CIAO2A: variants seen among roughly 807,000 people sequenced by gnomAD.
CIAO2A encodes the protein cytosolic iron-sulfur assembly component 2A.
In CIAO2A, 17 loss-of-function variants were observed where a neutral mutation model predicts 22.4. The ratio of observed to expected loss-of-function variants is 0.76; its 90% CI spans 0.52 to 1.14. CIAO2A has a LOEUF of 1.14. CIAO2A is among the 50% of genes most tolerant of loss of function. CIAO2A has a pLI of 0.00. For missense variants in CIAO2A, 192 were observed against 191.4 expected (o/e 1.00, Z -0.02); for synonymous variants, 74 against 72.3 (o/e 1.02, Z -0.12).
intron 3 of CIAO2A, among the ~76,000 whole-genome samples, chr15:64,079,730 A>G (rs1219402039): frequency 6.6e-6 from 1 of 152,218 alleles, no homozygotes; most frequent in Non-Finnish European, 1.5e-5. Flanking sequence ...TGTGATATCC[A>G]TATTCTTGCT....
At chr15:64,091,738 A>G (rs2080841027) in intron 1 of CIAO2A, among the ~76,000 whole-genome samples, 1 of 151,946 alleles carries the variant, frequency 6.6e-6, no homozygotes, top group Admixed American at 6.6e-5. Flanking sequence ...TAGTTTCTAG[A>G]TTTGAGAGGT....
chr15:64,092,302 T>TA (rs1224352925), intron 1 of CIAO2A, among the ~76,000 whole-genome samples: 1 of 152,178 alleles, frequency 6.6e-6, no homozygotes, highest in Admixed American at 6.6e-5. Flanking sequence ...TCCATGCTTT[T>TA]AAGTTTCCTC....
In CIAO2A at chr15:64,073,036, A is replaced by G; in HGVS notation, c.386-8T>C. The G allele has an allele frequency of 1.3e-6, 2 of 1,599,364 alleles. No individual in the cohort carries two copies. Among genetic ancestry groups the G allele is most frequent in the Non-Finnish European group, 1.7e-6 (2 of 1,167,068 alleles). ...CATTTATCTGCTTATTGACTGAAAA[A>G]TACACAGACAAAAGTTAGCAGAAGA... On this transcript the variant is annotated splice_polypyrimidine_tract_variant and splice_region_variant and intron_variant, in intron 4 of 4. Coordinates refer to ENST00000300030, the MANE Select transcript of CIAO2A (RefSeq NM_032231.7).
intron 2 of CIAO2A, among the ~76,000 whole-genome samples, chr15:64,082,475 G>A (rs182860435): frequency 2.5e-4 from 38 of 152,216 alleles, no homozygotes; most frequent in African/African-American, 8.4e-4. Context: ...TGATCTGCCC[G>A]CCTCGGCCTC....
intron 3 of CIAO2A, among the ~76,000 whole-genome samples, chr15:64,077,551 T>C (rs1595952539): frequency 6.6e-6 from 1 of 152,252 alleles, no homozygotes; most frequent in East Asian, 1.9e-4. Context: ...ACTGAATTTA[T>C]AGGCCTCTGA....
intron 2 of CIAO2A, among the ~76,000 whole-genome samples, chr15:64,082,177 G>A (rs1290846584): frequency 6.6e-6 from 1 of 152,156 alleles, no homozygotes; most frequent in Non-Finnish European, 1.5e-5. Flanking sequence ...CCAAAACAGG[G>A]AAAAGGATTA....
At chr15:64,093,364 G>A (rs2080858821) in intron 1 of CIAO2A, among the ~76,000 whole-genome samples, 1 of 152,062 alleles carries the variant, frequency 6.6e-6, no homozygotes, top group South Asian at 2.1e-4. Context: ...CTAAGACGTA[G>A]GCCACACGTG....
chr15:64,072,788 T>C lies in CIAO2A; in HGVS notation c.*143A>G. The stretch of plus-strand genomic sequence containing the variant: ...GAACAAATTAGGTACTACCTTATAA[T>C]TAAATCTCGCTTGGAAAGAATCCTT... On this transcript the variant is annotated 3_prime_UTR_variant, in exon 5 of 5. Transcript: ENST00000300030. 1 of 534,096 alleles carries C rather than the reference T, an allele frequency of 1.9e-6. No homozygotes were observed. The highest frequency in any genetic ancestry group is 3.0e-5 in the South Asian group (1 of 33,640). 33.1% of individuals were successfully genotyped at this position (534,096 alleles called of 1,614,324 possible).
At chr15:64,082,981 T>A (rs1332161130) in intron 2 of CIAO2A, among the ~76,000 whole-genome samples, 1 of 151,792 alleles carries the variant, frequency 6.6e-6, no homozygotes, top group African/African-American at 2.4e-5. Flanking sequence ...GCGGGAGGAC[T>A]GCTTGAGCCC....
chr15:64,085,779 G>A (rs1005535163), intron 2 of CIAO2A, among the ~76,000 whole-genome samples: 11 of 151,710 alleles, frequency 7.3e-5, no homozygotes, highest in Non-Finnish European at 1.3e-4. Context: ...CGTGACCTTC[G>A]CTCACTGCAA....
Position 64,072,827 on chromosome 15 carries a change from G to A in CIAO2A, c.*104C>T. On this transcript the variant is annotated 3_prime_UTR_variant, in exon 5 of 5. Coordinates refer to ENST00000300030, the MANE Select transcript of CIAO2A (RefSeq NM_032231.7). ...GAAAGAATCCTTTAAAAAATACTCT[G>A]AGGTACAAATCACCTATGTATTAAA... is the stretch of plus-strand genomic sequence containing the variant. 1 of 689,926 alleles carries A rather than the reference G, an allele frequency of 1.4e-6. No individual in the cohort carries two copies. The highest frequency in any genetic ancestry group is 4.1e-4 in the Middle Eastern group (1 of 2,446). 42.7% of individuals were successfully genotyped at this position (689,926 alleles called of 1,614,324 possible). A position where few individuals can be genotyped will look rare whatever the true frequency, so the allele number is the denominator to read the frequency against.
At chr15:64,083,741 G>A (rs1010113570) in intron 2 of CIAO2A, among the ~76,000 whole-genome samples, 3 of 152,120 alleles carry the variant, frequency 2.0e-5, no homozygotes, top group Admixed American at 6.6e-5. Context: ...CTAGGAGTTT[G>A]AGACTAGCCT....
chr15:64,093,581 C>T, intron 1 of CIAO2A, 64 bp downstream of exon 1: 1 of 1,542,752 alleles, frequency 6.5e-7, no homozygotes, highest in Non-Finnish European at 8.8e-7. Flanking sequence ...GCCATCATCC[C>T]CGCACCCCTC....
chr15:64,092,528 T>G (rs1042057073), intron 1 of CIAO2A, among the ~76,000 whole-genome samples: 3 of 152,240 alleles, frequency 2.0e-5, no homozygotes, highest in African/African-American at 4.8e-5. Flanking sequence ...AATATCAGTT[T>G]GAAGACTAGA....
intron 1 of CIAO2A, among the ~76,000 whole-genome samples, chr15:64,092,204 C>G (rs1258152604): frequency 1.3e-5 from 2 of 152,182 alleles, no homozygotes; most frequent in Non-Finnish European, 2.9e-5. Flanking sequence ...CATCCCACTA[C>G]CTAGAACAAT....
chr15:64,078,632 T>G (rs1243057522), intron 3 of CIAO2A, among the ~76,000 whole-genome samples: 1 of 36,118 alleles, frequency 2.8e-5, no homozygotes. Context: ...CGAGATTCCA[T>G]CGCAAACAAA....
intron 3 of CIAO2A, among the ~76,000 whole-genome samples, chr15:64,078,353 G>T (rs2080733795): frequency 1.3e-5 from 2 of 152,194 alleles, no homozygotes. Flanking sequence ...ACAGCTAGCT[G>T]GTCAGGCATG....
At chr15:64,075,016 T>C (rs140105657) in intron 4 of CIAO2A, 1,743 of 152,462 alleles carry the variant, frequency 0.011, 112 homozygotes, top group Admixed American at 0.11. Flanking sequence ...TCTGCTATTT[T>C]TAAGTAGCTA....
At chr15:64,085,667 A>G (rs1030003242) in intron 2 of CIAO2A, among the ~76,000 whole-genome samples, 1 of 152,148 alleles carries the variant, frequency 6.6e-6, no homozygotes, top group East Asian at 1.9e-4. Flanking sequence ...GAAGCCCACA[A>G]TACGGTACAG....
Sources: gnomAD v4.1 joint callset for allele counts (sites outside exome capture counted in the v4.1 genomes callset) on GRCh38, gnomAD v4.1.1 for gene constraint, MANE v1.5 for transcripts, NCBI Gene and HGNC (gene_info 2026-07-23, HGNC 2026-07-21) for gene names.